The following TENM3 variants were observed in gnomAD, a reference collection of about 807,000 sequenced individuals.
The protein encoded by TENM3 is teneurin transmembrane protein 3, also known as teneurin-3.
A neutral mutation model predicts 255.1 loss-of-function variants in TENM3; 63 were observed. That is an observed-to-expected ratio of 0.25 (90% CI 0.20 to 0.30). The LOEUF is 0.30. Ranked by LOEUF, TENM3 falls within the 10% of genes least tolerant of loss-of-function variation. TENM3 has a pLI of 1.00. For missense variants in TENM3, 2,929 were observed against 3,461.1 expected, an observed-to-expected ratio of 0.85 and a Z score of 3.86; for synonymous variants, 1,306 against 1,322.3, an observed-to-expected ratio of 0.99 and a Z score of 0.27.
rs757398091 is a variant in TENM3, at chr4:182,773,589, A to T, written c.5010A>T (p.Glu1670Asp). The change falls in exon 23 of 28, where the codon GAA (glutamate) becomes GAT (aspartate). Residue 1670 changes from glutamate (E) to aspartate (D), a missense_variant. Glu to Asp is a conservative substitution (Grantham distance 45, BLOSUM62 2). Around this residue, in one of 6 missense-constraint regions of TENM3, gnomAD observed 1,608 missense variants for 1,884.4 expected, o/e 0.85. Transcript: ENST00000511685. ...TVDIESSSRE[E>D]DVSITSNLSS... ...ACATTGAGTCATCTAGCCGAGAAGA[A>T]GATGTCAGCATCACTTCAAATCTGT... is the stretch of plus-strand genomic sequence containing the variant. 1.1e-5 allele frequency: 17 copies of T among 1,613,928 alleles called. No individual in the cohort carries two copies. The highest frequency in any genetic ancestry group is 1.3e-5 in the Non-Finnish European group (15 of 1,179,858).
the TENM3 span, among the ~76,000 whole-genome samples, chr4:182,087,759 T>C: frequency 6.6e-6 from 1 of 152,222 alleles, no homozygotes; most frequent in Non-Finnish European, 1.5e-5. Context: ...ACGTTTGACC[T>C]ATTCAATGGC....
chr4:182,559,127 A>AT (rs70956518), intron 3 of TENM3, among the ~76,000 whole-genome samples: 2,006 of 107,444 alleles, frequency 0.019, 62 homozygotes, highest in African/African-American at 0.041. Context: ...ATTCCTCGGG[A>AT]TTTTTTTTTT....
chr4:182,240,408 C>T (rs182180968), upstream of TENM3, among the ~76,000 whole-genome samples: 75 of 152,264 alleles, frequency 4.9e-4, no homozygotes, highest in Non-Finnish European at 5.6e-4. Context: ...TCATCATAAC[C>T]TCTGTCTTAT....
At chr4:182,685,873 T>C (rs1326343457) in intron 11 of TENM3, among the ~76,000 whole-genome samples, 1 of 152,222 alleles carries the variant, frequency 6.6e-6, no homozygotes, top group Non-Finnish European at 1.5e-5. Flanking sequence ...TAACTGATAC[T>C]AAATAACTCA....
At chr4:181,574,716 TTTTAAATATAGA>T in the TENM3 span, among the ~76,000 whole-genome samples, 1 of 152,196 alleles carries the variant, frequency 6.6e-6, no homozygotes, top group African/African-American at 2.4e-5. Context: ...AATTATATGT[TTTTAAATATAGA>T]TCATTATATA....
intron 12 of TENM3, among the ~76,000 whole-genome samples, chr4:182,695,201 T>C (rs1757309255): frequency 6.6e-6 from 1 of 152,126 alleles, no homozygotes; most frequent in African/African-American, 2.4e-5. Flanking sequence ...TTGGTAGTGG[T>C]GATGAAAGGC....
At chr4:181,618,940 C>CCATCTACTCTCTACTT in the TENM3 span, among the ~76,000 whole-genome samples, 4 of 152,136 alleles carry the variant, frequency 2.6e-5, no homozygotes, top group South Asian at 8.3e-4. Context: ...CCACTTTGCC[C>CCATCTACTCTCTACTT]CTGCAGATCC....
rs148044323 is a variant in TENM3, at chr4:182,721,534, C to CTG, written c.2368+7316_2368+7317dup. Among the ~76,000 whole-genome samples the CTG allele has an allele frequency of 2.6e-4, 39 of 150,454 alleles. 1 individual carries two copies. The highest frequency in any genetic ancestry group is 5.0e-4 in the Non-Finnish European group (34 of 67,440). On this transcript the variant is annotated intron_variant, in intron 13 of 27. Coordinates refer to ENST00000511685, the MANE Select transcript of TENM3 (RefSeq NM_001080477.4). Reference sequence around the variant, plus strand: ...GTATAGAGACAAATCTGTAGCGAATCTGTGTGTGTGTGTGTGAGTGTGTAT... The same window carrying CTG: ...GTATAGAGACAAATCTGTAGCGAATCTGTGTGTGTGTGTGTGTGAGTGTGTAT...
the TENM3 span, among the ~76,000 whole-genome samples, chr4:181,916,830 C>T: frequency 1.3e-5 from 2 of 151,942 alleles, no homozygotes; most frequent in African/African-American, 2.4e-5. Context: ...TGGCCGGGAT[C>T]GCGCCACTGC....
intron 16 of TENM3, among the ~76,000 whole-genome samples, chr4:182,734,812 T>C (rs1035633709): frequency 2.0e-5 from 3 of 152,276 alleles, no homozygotes; most frequent in Middle Eastern, 6.8e-3. Flanking sequence ...ATTACAGATA[T>C]TAAAATCAAG....
chr4:182,235,022 C>G (rs1298815196), intron 1 of TENM3, among the ~76,000 whole-genome samples: 1 of 152,072 alleles, frequency 6.6e-6, no homozygotes, highest in Non-Finnish European at 1.5e-5. Flanking sequence ...CTGAGTCAGT[C>G]AGGGCACACA....
the TENM3 span, among the ~76,000 whole-genome samples, chr4:181,655,021 C>T: frequency 6.6e-6 from 1 of 152,280 alleles, no homozygotes; most frequent in African/African-American, 2.4e-5. Context: ...TGCAATCAAG[C>T]TGTTAAAGAC....
chr4:181,668,342 C>T, the TENM3 span, among the ~76,000 whole-genome samples: 5 of 152,242 alleles, frequency 3.3e-5, no homozygotes, highest in African/African-American at 1.2e-4. Flanking sequence ...CAGTTTTATT[C>T]CTGTATTAGT....
rs1766981875 is a variant in TENM3 at position 182,801,736 on chromosome 4, G to C, written c.*1385G>C. The C allele has an allele frequency of 6.6e-6, 1 of 152,196 alleles. No homozygotes were observed. Among genetic ancestry groups the C allele is most frequent in the Non-Finnish European group, 1.5e-5 (1 of 68,070 alleles). The allele number at this position is 152,196 out of a possible 1,614,324, so 9.4% of individuals were successfully genotyped here. A position where few individuals can be genotyped will look rare whatever the true frequency, so the allele number is the denominator to read the frequency against. ...GCCCACATGACCAAACCATCTTGGGGGGCTGGTTTGAATGACAGCCTCTGC... is the reference window on the plus strand; with the variant it reads ...GCCCACATGACCAAACCATCTTGGGCGGCTGGTTTGAATGACAGCCTCTGC... On this transcript the variant is annotated 3_prime_UTR_variant, in exon 28 of 28. Transcript: ENST00000511685.
chr4:182,445,607 T>C (rs1382468128), intron 3 of TENM3, among the ~76,000 whole-genome samples: 1 of 149,444 alleles, frequency 6.7e-6, no homozygotes, highest in Admixed American at 6.9e-5. Flanking sequence ...TTTGTGGACT[T>C]TTTATTTTTT....
intron 24 of TENM3, among the ~76,000 whole-genome samples, chr4:182,785,108 G>T (rs980977646): frequency 1.3e-5 from 2 of 151,942 alleles, no homozygotes; most frequent in Non-Finnish European, 2.9e-5. Flanking sequence ...ACAGGGTCTT[G>T]CTGGGACGCC....
intron 12 of TENM3, among the ~76,000 whole-genome samples, chr4:182,696,195 G>A (rs914272763): frequency 3.9e-5 from 6 of 152,046 alleles, no homozygotes; most frequent in African/African-American, 1.4e-4. Context: ...GACAGTAACG[G>A]CACAAATTTA....
intron 3 of TENM3, among the ~76,000 whole-genome samples, chr4:182,414,261 A>C (rs1770209503): frequency 6.6e-6 from 1 of 152,156 alleles, no homozygotes; most frequent in Non-Finnish European, 1.5e-5. Flanking sequence ...TTTTGAAATC[A>C]TACCAGACCA....
In TENM3 at chr4:182,249,314, A is replaced by G. The variant is rs79282971; in HGVS notation, c.-76+5838A>G. 6.0e-3 allele frequency among the ~76,000 whole-genome samples: 920 copies of G among 152,344 alleles called. 8 individuals carry two copies. The highest frequency in any genetic ancestry group is 0.021 in the African/African-American group (887 of 41,588). ...ACCTCCAAGCAATGACATTGTTAAA[A>G]TGATTAGTAAGCTTTTGCTGAGTTA... On this transcript the variant is annotated intron_variant, in intron 1 of 27. Transcript: ENST00000511685.
Sources: gnomAD v4.1 joint callset for allele counts (sites outside exome capture counted in the v4.1 genomes callset) on GRCh38, gnomAD v4.1.1 for gene constraint, gnomAD v4.1.1 regional missense constraint, MANE v1.5 for transcripts, NCBI Gene and HGNC (gene_info 2026-07-23, HGNC 2026-07-21) for gene names.